Variants in ZFP30 observed in about 807,000 individuals in gnomAD.
ZFP30 encodes the protein ZFP30 zinc finger protein.
A neutral mutation model predicts 12.3 loss-of-function variants in ZFP30; 16 were observed. That is an observed-to-expected ratio of 1.30 (90% CI 0.88 to 1.98). The LOEUF (loss-of-function observed/expected upper bound fraction) is 1.98, where lower values mean the gene tolerates loss of function less well. ZFP30 is among the 30% of genes most tolerant of loss of function. The pLI, the probability that ZFP30 is intolerant of heterozygous loss-of-function variation, is 0.00. For synonymous variants in ZFP30, 172 were observed against 201.0 expected (o/e 0.86, Z 1.22); for missense variants, 560 against 611.2 (o/e 0.92, Z 0.88).
Position 37,634,924 on chromosome 19 carries a change from T to C in ZFP30, c.*57A>G. 6.8e-7 allele frequency: 1 copy of C among 1,470,300 alleles called. No individual in the cohort carries two copies. Among genetic ancestry groups the C allele is most frequent in the Non-Finnish European group, 9.0e-7 (1 of 1,113,630 alleles). 91.1% of individuals were successfully genotyped at this position (1,470,300 alleles called of 1,614,324 possible). A position where few individuals can be genotyped will look rare whatever the true frequency, so the allele number is the denominator to read the frequency against. ...TTCCCACGTTCAAAAACCTTTCCTC[T>C]AGAATGTACTTCCTATGCTCAACAT... On this transcript the variant is annotated 3_prime_UTR_variant, in exon 6 of 6. Coordinates refer to ENST00000684514, the MANE Select transcript of ZFP30 (RefSeq NM_001320669.3).
chr19:37,638,722 T>C (rs553922153), intron 5 of ZFP30, among the ~76,000 whole-genome samples: 27 of 152,188 alleles, frequency 1.8e-4, no homozygotes, highest in African/African-American at 6.5e-4. Flanking sequence ...TAAACAAAAC[T>C]AGACATACAA....
intron 2 of ZFP30, among the ~76,000 whole-genome samples, 173 bp downstream of exon 2, chr19:37,654,539 G>A (rs1175594520): frequency 4.6e-5 from 7 of 152,166 alleles, no homozygotes; most frequent in Non-Finnish European, 8.8e-5. Context: ...CTATAGAACA[G>A]CATGAAGTGG....
intron 2 of ZFP30, among the ~76,000 whole-genome samples, chr19:37,652,295 G>A (rs1241885485): frequency 2.6e-5 from 4 of 152,240 alleles, no homozygotes; most frequent in African/African-American, 7.2e-5. Context: ...AGCCGGGTAC[G>A]GTGGCTCACA....
Position 37,636,067 on chromosome 19 carries a change from G to A in ZFP30, c.474C>T (p.Tyr158=), listed in dbSNP as rs1041522254. The change falls in exon 6 of 6, where the codon TAC becomes TAT. Residue 158 remains tyrosine (Y), a synonymous_variant. Transcript: ENST00000684514. ...AAGCCTTCCCACATTCCCCACATTC[G>A]TAGGGTTTCTCTCTGTTATGACTTT... ...YQKSHNREKP[Y]ECGECGKAFR... is the part of the protein sequence containing the mutation. 8 of 1,614,072 alleles carry A rather than the reference G, an allele frequency of 5.0e-6. No homozygotes were observed. Among genetic ancestry groups the A allele is most frequent in the East Asian group, 4.5e-5 (2 of 44,876 alleles).
chr19:37,637,184 CTTTCTTT>C (rs1568380378), intron 5 of ZFP30, among the ~76,000 whole-genome samples: 2 of 147,510 alleles, frequency 1.4e-5, no homozygotes, highest in South Asian at 2.2e-4. Context: ...CCAGTCACTT[CTTTCTTT>C]TTTCTTTTTT....
intron 3 of ZFP30, among the ~76,000 whole-genome samples, chr19:37,646,817 C>T (rs2044552399): frequency 2.0e-5 from 3 of 152,066 alleles, no homozygotes; most frequent in Admixed American, 6.6e-5. Context: ...AAGGTTGTCT[C>T]GAACTCCTCT....
intron 3 of ZFP30, among the ~76,000 whole-genome samples, chr19:37,645,736 C>T (rs1046702882): frequency 3.3e-5 from 5 of 151,546 alleles, no homozygotes; most frequent in African/African-American, 9.7e-5. Context: ...TTTACTCTAT[C>T]TTCTTTTCCT....
chr19:37,636,080 C>G lies in ZFP30; in HGVS notation c.461G>C (p.Arg154Thr). The change falls in exon 6 of 6, where the codon AGA becomes ACA. Residue 154 changes from arginine to threonine, a missense_variant. By Grantham distance (71) the Arg-to-Thr change is moderately conservative. Coordinates refer to ENST00000684514, the MANE Select transcript of ZFP30 (RefSeq NM_001320669.3). ...TTCCCCACATTCGTAGGGTTTCTCT[C>G]TGTTATGACTTTTCTGATACAGAGG... ...SLPLYQKSHN[R>T]EKPYECGECG... 3 of 1,614,176 alleles carry G rather than the reference C, an allele frequency of 1.9e-6. No individual in the cohort carries two copies. Among genetic ancestry groups the G allele is most frequent in the Non-Finnish European group, 2.5e-6 (3 of 1,180,042 alleles).
chr19:37,647,003 A>G lies in ZFP30; in HGVS notation c.9+811T>C, dbSNP rs186592362. Among the ~76,000 whole-genome samples the G allele has an allele frequency of 2.4e-3, 364 of 152,234 alleles. 3 individuals are homozygous for G. The highest frequency in any genetic ancestry group is 7.9e-3 in the African/African-American group (330 of 41,540). ...AAATAAACTACATGTGTTTCTTTTT[A>G]CTTTTTTTAATGTGACTACTAAAGT... On this transcript the variant is annotated intron_variant, in intron 3 of 5. Coordinates refer to ENST00000684514, the MANE Select transcript of ZFP30 (RefSeq NM_001320669.3).
Position 37,645,225 on chromosome 19 carries a change from G to GA in ZFP30, c.10-490dup, listed in dbSNP as rs932561287. The stretch of plus-strand genomic sequence containing the variant: ...GAGACTCCGTCTCAAAAAAAAAAAA[G>GA]AAAAAAAAAGTGGAAGAAGGGTTTT... On this transcript the variant is annotated intron_variant, in intron 3 of 5. Transcript: ENST00000684514. Among the ~76,000 whole-genome samples, 19 of 149,346 alleles carry GA rather than the reference G, an allele frequency of 1.3e-4. No homozygotes were observed. The East Asian group carries it at 3.3e-3, about 26-fold the overall frequency.
intron 2 of ZFP30, among the ~76,000 whole-genome samples, chr19:37,653,480 T>C (rs1404818829): frequency 6.6e-6 from 1 of 152,236 alleles, no homozygotes; most frequent in Non-Finnish European, 1.5e-5. Flanking sequence ...TTTATTGTAG[T>C]ATACAAGATT....
intron 4 of ZFP30, among the ~76,000 whole-genome samples, 170 bp from the exon 5 acceptor site, chr19:37,643,533 C>T (rs978484121): frequency 1.3e-5 from 2 of 152,190 alleles, no homozygotes; most frequent in African/African-American, 2.4e-5. Context: ...CTTACACAGG[C>T]TCTGTCTCTT....
chr19:37,653,401 T>A (rs1350783158), intron 2 of ZFP30, among the ~76,000 whole-genome samples: 1 of 151,992 alleles, frequency 6.6e-6, no homozygotes, highest in Non-Finnish European at 1.5e-5. Context: ...CTCCAATAAA[T>A]AACTAATCAT....
At position 37,634,539 on chromosome 19, in the gene ZFP30, A is replaced by C. The variant is rs2044283181; in HGVS notation, c.*442T>G. 1 of 155,134 alleles carries C rather than the reference A, an allele frequency of 6.4e-6. No homozygotes were observed. The highest frequency in any genetic ancestry group is 2.1e-4 in the South Asian group (1 of 4,874). The allele number at this position is 155,134 out of a possible 1,614,324, so 9.6% of individuals were successfully genotyped here. ...TTCTATTATTCTTTCTGCATTCATTAGCCTGGAATTTTCTAATAAAGAAGA... is the reference window on the plus strand; with the variant it reads ...TTCTATTATTCTTTCTGCATTCATTCGCCTGGAATTTTCTAATAAAGAAGA... On this transcript the variant is annotated 3_prime_UTR_variant, in exon 6 of 6. Coordinates refer to ENST00000684514, the MANE Select transcript of ZFP30 (RefSeq NM_001320669.3).
intron 5 of ZFP30, among the ~76,000 whole-genome samples, chr19:37,642,978 G>A (rs1395636908): frequency 6.6e-6 from 1 of 151,488 alleles, no homozygotes; most frequent in East Asian, 1.9e-4. Flanking sequence ...GCGTGAACCC[G>A]GGAGGCGGAG....
rs1252849389 is a variant in ZFP30, at chr19:37,635,592, G to T, written c.949C>A (p.His317Asn). ...GGTTTTTCTCCAGTATGAAGTTTGT[G>T]ATGTAGTCGAAGGCCTGTACTACAC... ...FLCSTGLRLH[H>N]KLHTGEKPYE... is the part of the protein sequence containing the mutation. Residue 317 changes from histidine (H) to asparagine (N), a missense_variant, in exon 6 of 6, where the codon CAC (histidine) becomes AAC (asparagine). By Grantham distance (68) the His-to-Asn change is moderately conservative. Coordinates refer to ENST00000684514, the MANE Select transcript of ZFP30 (RefSeq NM_001320669.3). 1 of 1,614,138 alleles carries T rather than the reference G, an allele frequency of 6.2e-7. No individual in the cohort carries two copies. The highest frequency in any genetic ancestry group is 8.5e-7 in the Non-Finnish European group (1 of 1,180,036).
In ZFP30 at chr19:37,634,634, C is replaced by T. The variant is rs1441943025; in HGVS notation, c.*347G>A. The stretch of plus-strand genomic sequence containing the variant: ...CAGGAAATGCAGACTAAATGACTTT[C>T]CTTTCATTTACACATTTTCAGAATG... On this transcript the variant is annotated 3_prime_UTR_variant, in exon 6 of 6. Coordinates refer to ENST00000684514, the MANE Select transcript of ZFP30 (RefSeq NM_001320669.3). The T allele has an allele frequency of 1.1e-5, 2 of 187,526 alleles. No individual in the cohort carries two copies. The highest frequency in any genetic ancestry group is 4.6e-5 in the African/African-American group (2 of 43,046). The allele number at this position is 187,526 out of a possible 1,614,324, so 11.6% of individuals were successfully genotyped here.
chr19:37,642,509 T>A (rs1244664074), intron 5 of ZFP30, among the ~76,000 whole-genome samples: 2 of 152,212 alleles, frequency 1.3e-5, no homozygotes, highest in Admixed American at 6.5e-5. Context: ...CTTTTCTTCA[T>A]AATACCTAAT....
intron 4 of ZFP30, among the ~76,000 whole-genome samples, chr19:37,643,631 C>A (rs1406687080): frequency 3.3e-5 from 5 of 152,264 alleles, no homozygotes; most frequent in African/African-American, 1.2e-4. Flanking sequence ...CTCTCTGCAC[C>A]TCATTTTTCT....
Sources: gnomAD v4.1 joint callset for allele counts (sites outside exome capture counted in the v4.1 genomes callset) on GRCh38, gnomAD v4.1.1 for gene constraint, MANE v1.5 for transcripts, NCBI Gene and HGNC (gene_info 2026-07-23, HGNC 2026-07-21) for gene names.